ST6GALNAC3: variants seen among roughly 807,000 people sequenced by gnomAD.
ST6GALNAC3 encodes ST6 N-acetylgalactosaminide alpha-2,6-sialyltransferase 3.
A neutral mutation model predicts 32.7 loss-of-function variants in ST6GALNAC3; 25 were observed. The observed-to-expected ratio is 0.76, with a 90% CI of 0.56 to 1.07. The LOEUF (loss-of-function observed/expected upper bound fraction) is 1.07. Ranked by LOEUF, ST6GALNAC3 falls within the 50% of genes least tolerant of loss-of-function variation. The pLI is 0.00. For missense variants in ST6GALNAC3, 355 were observed against 382.4 expected (o/e 0.93, Z 0.60); for synonymous variants, 129 against 133.1 (o/e 0.97, Z 0.21).
intron 1 of ST6GALNAC3, among the ~76,000 whole-genome samples, chr1:76,190,537 A>G (rs1343305615): frequency 6.6e-6 from 1 of 152,244 alleles, no homozygotes; most frequent in Non-Finnish European, 1.5e-5. Flanking sequence ...AATTTCTCAC[A>G]AATTTCAGAA....
At chr1:76,619,543 G>A (rs1648505054) in intron 3 of ST6GALNAC3, among the ~76,000 whole-genome samples, 1 of 152,102 alleles carries the variant, frequency 6.6e-6, no homozygotes, top group South Asian at 2.1e-4. Flanking sequence ...GGAATTTAAT[G>A]AAGGAGAAAA....
intron 1 of ST6GALNAC3, among the ~76,000 whole-genome samples, chr1:76,121,947 G>A (rs934026504): frequency 6.6e-6 from 1 of 152,152 alleles, no homozygotes; most frequent in East Asian, 1.9e-4. Context: ...TGCCTGGAAT[G>A]TTCTTCCCTT....
intron 2 of ST6GALNAC3, among the ~76,000 whole-genome samples, chr1:76,402,047 T>G (rs1253640858): frequency 6.6e-6 from 1 of 151,934 alleles, no homozygotes; most frequent in Non-Finnish European, 1.5e-5. Flanking sequence ...TATTTTTTTT[T>G]GCAGCTAAGT....
intron 1 of ST6GALNAC3, among the ~76,000 whole-genome samples, chr1:76,309,613 G>A (rs1401653564): frequency 3.9e-5 from 6 of 152,166 alleles, no homozygotes; most frequent in Non-Finnish European, 8.8e-5. Context: ...GTACTTGAAG[G>A]TATGCCTTTT....
At chr1:76,234,511 G>A (rs1405411139) in intron 1 of ST6GALNAC3, among the ~76,000 whole-genome samples, 1 of 152,206 alleles carries the variant, frequency 6.6e-6, no homozygotes, top group Non-Finnish European at 1.5e-5. Flanking sequence ...AATCATAGCA[G>A]GAAGGCCGAT....
chr1:76,190,204 G>A (rs920902066), intron 1 of ST6GALNAC3, among the ~76,000 whole-genome samples: 3 of 152,096 alleles, frequency 2.0e-5, no homozygotes, highest in Non-Finnish European at 2.9e-5. Context: ...TAGGATTCAA[G>A]GACTATATAC....
chr1:76,155,482 A>AT (rs925390971), intron 1 of ST6GALNAC3, among the ~76,000 whole-genome samples: 4 of 151,636 alleles, frequency 2.6e-5, no homozygotes, highest in Admixed American at 6.6e-5. Flanking sequence ...ATTTTATTTT[A>AT]TTTTTTTGAG....
rs1182095210 is a variant in ST6GALNAC3, at chr1:76,329,794, C to CTATT, written c.213+15796_213+15797insATTT. ...TTCTCCATTTTTATTCTCTTTCTCT[C>CTATT]TCTTTATTTATTTATTTATTTATTT... On this transcript the variant is annotated intron_variant, in intron 2 of 4. Transcript: ENST00000328299. Among the ~76,000 whole-genome samples, 530 of 140,884 alleles carry CTATT rather than the reference C, an allele frequency of 3.8e-3. 4 individuals are homozygous for CTATT. Among genetic ancestry groups the CTATT allele is most frequent in the African/African-American group, 0.014 (506 of 35,764 alleles). The allele number at this position is 140,884 out of a possible 152,430, so 92.4% of individuals were successfully genotyped here. A position where few individuals can be genotyped will look rare whatever the true frequency, so the allele number is the denominator to read the frequency against.
At chr1:76,282,855 C>A (rs1570683570) in intron 1 of ST6GALNAC3, among the ~76,000 whole-genome samples, 1 of 136,304 alleles carries the variant, frequency 7.3e-6, no homozygotes, top group East Asian at 2.0e-4. Flanking sequence ...ATGGTGACAT[C>A]CCATCTCTAC....
intron 2 of ST6GALNAC3, among the ~76,000 whole-genome samples, chr1:76,372,543 C>T (rs2101084771): frequency 6.6e-6 from 1 of 152,100 alleles, no homozygotes; most frequent in South Asian, 2.1e-4. Context: ...CACCACTGTC[C>T]TATCTTTCCA....
Position 76,544,206 on chromosome 1 carries a change from T to G in ST6GALNAC3, c.624-83246T>G, listed in dbSNP as rs111306385. 6.6e-5 allele frequency among the ~76,000 whole-genome samples: 10 copies of G among 152,234 alleles called. 2 individuals are homozygous for G. Among genetic ancestry groups the G allele is most frequent in the African/African-American group, 2.4e-4 (10 of 41,564 alleles). ...ATGGAAAGAGAGTATCAGGGAAATA[T>G]TCCCCTTAAAATTAATGCTTCCACT... On this transcript the variant is annotated intron_variant, in intron 3 of 4. Coordinates refer to ENST00000328299, the MANE Select transcript of ST6GALNAC3 (RefSeq NM_152996.4).
At chr1:76,332,496 A>G (rs962905821) in intron 2 of ST6GALNAC3, among the ~76,000 whole-genome samples, 1 of 152,194 alleles carries the variant, frequency 6.6e-6, no homozygotes, top group African/African-American at 2.4e-5. Context: ...GTTGTCCACT[A>G]TAAGACAAAG....
At chr1:76,367,636 G>A (rs1318463508) in intron 2 of ST6GALNAC3, among the ~76,000 whole-genome samples, 1 of 152,138 alleles carries the variant, frequency 6.6e-6, no homozygotes, top group Admixed American at 6.6e-5. Flanking sequence ...ATGAATGTCA[G>A]CTGTGATTTC....
At position 76,278,223 on chromosome 1, in the gene ST6GALNAC3, C is replaced by CTTTTTTTTTTTTTTT. The variant is rs568694243; in HGVS notation, c.19-35581_19-35567dup. Among the ~76,000 whole-genome samples the CTTTTTTTTTTTTTTT allele has an allele frequency of 3.8e-3, 434 of 113,570 alleles. 20 individuals are homozygous for CTTTTTTTTTTTTTTT. The East Asian group carries it at 0.042, about 11-fold the overall frequency. 74.5% of individuals were successfully genotyped at this position (113,570 alleles called of 152,430 possible). ...TGTATTCTCATTATTGCTAGGCATTCTTTTTTTTTTTTTTTGAGATGGAGT... is the reference window on the plus strand; with the variant it reads ...TGTATTCTCATTATTGCTAGGCATTCTTTTTTTTTTTTTTTTTTTTTTTTTTTTTTGAGATGGAGT... On this transcript the variant is annotated intron_variant, in intron 1 of 4. Coordinates refer to ENST00000328299, the MANE Select transcript of ST6GALNAC3 (RefSeq NM_152996.4).
chr1:76,491,367 C>T (rs1660489218), intron 3 of ST6GALNAC3, among the ~76,000 whole-genome samples: 1 of 152,104 alleles, frequency 6.6e-6, no homozygotes, highest in Non-Finnish European at 1.5e-5. Flanking sequence ...CCCATCCCAC[C>T]ACTGTGCTGG....
At chr1:76,352,871 C>T (rs896802534) in intron 2 of ST6GALNAC3, among the ~76,000 whole-genome samples, 1 of 152,148 alleles carries the variant, frequency 6.6e-6, no homozygotes, top group Non-Finnish European at 1.5e-5. Flanking sequence ...ATTTCTCTGT[C>T]TGCCTTCCTC....
intron 1 of ST6GALNAC3, among the ~76,000 whole-genome samples, chr1:76,171,493 C>T (rs929101983): frequency 6.7e-6 from 1 of 150,322 alleles, no homozygotes; most frequent in African/African-American, 2.5e-5. Context: ...TCAATGAATC[C>T]AGGAGCTGTT....
intron 3 of ST6GALNAC3, among the ~76,000 whole-genome samples, chr1:76,556,379 T>C (rs993228500): frequency 1.3e-5 from 2 of 152,122 alleles, no homozygotes; most frequent in Non-Finnish European, 2.9e-5. Context: ...TTTTTTTCTT[T>C]TTTGGATAAA....
intron 3 of ST6GALNAC3, among the ~76,000 whole-genome samples, chr1:76,514,155 C>T (rs897859203): frequency 6.6e-6 from 1 of 152,046 alleles, no homozygotes; most frequent in Admixed American, 6.6e-5. Context: ...TTTATTTCTT[C>T]CTCTTGACTA....
Sources: allele counts gnomAD v4.1 joint callset (sites outside exome capture counted in the v4.1 genomes callset), GRCh38; gene constraint gnomAD v4.1.1; transcripts MANE v1.5; gene names NCBI Gene and HGNC (gene_info 2026-07-23, HGNC 2026-07-21).